The following TIGAR variants were observed in gnomAD, a reference collection of about 807,000 sequenced individuals.
TIGAR encodes fructose-2,6-bisphosphatase TIGAR.
In TIGAR, 7 loss-of-function variants were observed where a neutral mutation model predicts 17.9. That is an observed-to-expected ratio of 0.39 (90% confidence interval 0.22 to 0.73). The LOEUF is 0.73. Among genes scored for constraint, TIGAR ranks in the 30% least tolerant of loss-of-function variants. The pLI is 0.42. For synonymous variants in TIGAR, 94 were observed against 108.6 expected, an observed-to-expected ratio of 0.87 and a Z score of 0.84; for missense variants, 258 against 327.4, an observed-to-expected ratio of 0.79 and a Z score of 1.64.
intron 1 of TIGAR, chr12:4,324,672 GTTCACT>G: frequency 1.8e-6 from 2 of 1,102,716 alleles, no homozygotes; most frequent in Non-Finnish European, 2.7e-6. Context: ...GCAGGCCCGG[GTTCACT>G]TGCGGCCGCT....
chr12:4,344,428 A>G (rs2120680809), intron 3 of TIGAR, among the ~76,000 whole-genome samples: 1 of 152,300 alleles, frequency 6.6e-6, no homozygotes, highest in South Asian at 2.1e-4. Flanking sequence ...CAACAAAAAA[A>G]GAATTTTAGA....
Position 4,355,836 on chromosome 12 carries a change from C to T in TIGAR, c.*3145C>T, listed in dbSNP as rs896390290. Among the ~76,000 whole-genome samples, 3 of 152,026 alleles carry T rather than the reference C, an allele frequency of 2.0e-5. No individual in the cohort carries two copies. The highest frequency in any genetic ancestry group is 4.8e-5 in the African/African-American group (2 of 41,358). Reference sequence around the variant, plus strand: ...TTATCCAGGATGGGCAGGGAGGACTCGATGGTGTCAGCACTGAAGGATGTA... The same window carrying T: ...TTATCCAGGATGGGCAGGGAGGACTTGATGGTGTCAGCACTGAAGGATGTA... On this transcript the variant is annotated 3_prime_UTR_variant, in exon 6 of 6. Transcript: ENST00000179259.
At chr12:4,342,208 C>T (rs1411215661) in intron 3 of TIGAR, among the ~76,000 whole-genome samples, 1 of 152,152 alleles carries the variant, frequency 6.6e-6, no homozygotes, top group Non-Finnish European at 1.5e-5. Context: ...AAGAAATGAA[C>T]AAAGCCTCCA....
intron 5 of TIGAR, 85 bp from the exon 6 acceptor site, chr12:4,352,175 A>G: frequency 8.4e-7 from 1 of 1,195,416 alleles, no homozygotes. Flanking sequence ...TATTAGAAAA[A>G]AATCCAGTCA....
Position 4,358,533 on chromosome 12 carries a change from T to A in TIGAR, c.*5842T>A, listed in dbSNP as rs1027650440. Reference sequence around the variant, plus strand: ...TCTCCCTCTGTTTTCCCCTGAAACATTGGAGAGTAACTTTGAGTCCTCATA... The same window carrying A: ...TCTCCCTCTGTTTTCCCCTGAAACAATGGAGAGTAACTTTGAGTCCTCATA... On this transcript the variant is annotated 3_prime_UTR_variant, in exon 6 of 6. Transcript: ENST00000179259. 4.6e-5 allele frequency among the ~76,000 whole-genome samples: 7 copies of A among 152,188 alleles called. No homozygotes were observed. Among genetic ancestry groups the A allele is most frequent in the Non-Finnish European group, 1.0e-4 (7 of 68,036 alleles).
chr12:4,357,842 A>AGG lies in TIGAR; in HGVS notation c.*5151_*5152insGG, dbSNP rs1565453117. ...GAGGTGGCTGGGCGTGGTGGCTCGCACCTGTAATCCCAGCACTTTGGGAGG... is the reference window on the plus strand; with the variant it reads ...GAGGTGGCTGGGCGTGGTGGCTCGCAGGCCTGTAATCCCAGCACTTTGGGAGG... On this transcript the variant is annotated 3_prime_UTR_variant, in exon 6 of 6. Transcript: ENST00000179259. 6.6e-6 allele frequency among the ~76,000 whole-genome samples: 1 copy of AGG among 150,598 alleles called. No individual in the cohort carries two copies. Among genetic ancestry groups the AGG allele is most frequent in the Non-Finnish European group, 1.5e-5 (1 of 66,800 alleles).
At chr12:4,327,657 C>G (rs1199662147) in intron 1 of TIGAR, among the ~76,000 whole-genome samples, 2 of 152,078 alleles carry the variant, frequency 1.3e-5, no homozygotes, top group East Asian at 3.9e-4. Context: ...CAGTTTTAGG[C>G]CAGGTTTAAA....
rs1864920092 is a variant in TIGAR, at chr12:4,357,654, A to G, written c.*4963A>G. 6.6e-6 allele frequency among the ~76,000 whole-genome samples: 1 copy of G among 152,194 alleles called. No homozygotes were observed. Among genetic ancestry groups the G allele is most frequent in the Admixed American group, 6.5e-5 (1 of 15,296 alleles). Reference sequence around the variant, plus strand: ...TTTAAAAACTTTAGGATTTCCCCCCACAGTTCTCAATCACTTGGTTCATTG... The same window carrying G: ...TTTAAAAACTTTAGGATTTCCCCCCGCAGTTCTCAATCACTTGGTTCATTG... On this transcript the variant is annotated 3_prime_UTR_variant, in exon 6 of 6. Coordinates refer to ENST00000179259, the MANE Select transcript of TIGAR (RefSeq NM_020375.3).
intron 1 of TIGAR, among the ~76,000 whole-genome samples, chr12:4,331,026 G>T (rs1864598121): frequency 8.4e-6 from 1 of 118,414 alleles, no homozygotes; most frequent in Non-Finnish European, 1.9e-5. Flanking sequence ...TTTTCCACCT[G>T]CAATTCACTT....
intron 2 of TIGAR, among the ~76,000 whole-genome samples, chr12:4,336,711 G>A (rs1000304076): frequency 3.3e-5 from 5 of 152,198 alleles, no homozygotes; most frequent in South Asian, 2.1e-4. Flanking sequence ...TGGTCCTACC[G>A]CCCCAACACA....
In TIGAR at chr12:4,359,107, G is replaced by GTT. The variant is rs11445611; in HGVS notation, c.*6425_*6426dup. Among the ~76,000 whole-genome samples, 698 of 148,502 alleles carry GTT rather than the reference G, an allele frequency of 4.7e-3. 5 individuals are homozygous for GTT. The highest frequency in any genetic ancestry group is 0.014 in the African/African-American group (562 of 40,604). ...CCTTTATTGTTTATTTTCTGACTCT[G>GTT]TTTTTTTTTTCTTTAGCCAACTCAC... On this transcript the variant is annotated 3_prime_UTR_variant, in exon 6 of 6. Coordinates refer to ENST00000179259, the MANE Select transcript of TIGAR (RefSeq NM_020375.3).
At chr12:4,333,210 CTT>C (rs1017332777) in intron 2 of TIGAR, among the ~76,000 whole-genome samples, 1 of 151,642 alleles carries the variant, frequency 6.6e-6, no homozygotes, top group African/African-American at 2.4e-5. Context: ...TCCTTTCACT[CTT>C]TGTGTATACT....
In TIGAR at chr12:4,360,013, C is replaced by G. The variant is rs1343561333; in HGVS notation, c.*7322C>G. The stretch of plus-strand genomic sequence containing the variant: ...TTCTTTGTGAAATGTGTATTAAAAT[C>G]TTATCCATTAAAAAATTGTGTCATC... On this transcript the variant is annotated 3_prime_UTR_variant, in exon 6 of 6. Coordinates refer to ENST00000179259, the MANE Select transcript of TIGAR (RefSeq NM_020375.3). Among the ~76,000 whole-genome samples, 1 of 151,980 alleles carries G rather than the reference C, an allele frequency of 6.6e-6. No homozygotes were observed. The highest frequency in any genetic ancestry group is 1.5e-5 in the Non-Finnish European group (1 of 68,000).
At chr12:4,326,216 G>A (rs1864544796) in intron 1 of TIGAR, among the ~76,000 whole-genome samples, 1 of 152,128 alleles carries the variant, frequency 6.6e-6, no homozygotes, top group Admixed American at 6.5e-5. Flanking sequence ...GAAAATGAGT[G>A]GTGTTATTCC....
In TIGAR at chr12:4,357,875, G is replaced by A. The variant is rs971166800; in HGVS notation, c.*5184G>A. ...TCCCAGCACTTTGGGAGGCCAAGGC[G>A]GGCAGATCACGAGGTCAGGAGATAG... is the stretch of plus-strand genomic sequence containing the variant. On this transcript the variant is annotated 3_prime_UTR_variant, in exon 6 of 6. Coordinates refer to ENST00000179259, the MANE Select transcript of TIGAR (RefSeq NM_020375.3). 5.9e-5 allele frequency among the ~76,000 whole-genome samples: 9 copies of A among 152,096 alleles called. No individual in the cohort carries two copies. The highest frequency in any genetic ancestry group is 1.2e-4 in the Non-Finnish European group (8 of 67,992).
rs1023181780 is a variant in TIGAR, at chr12:4,357,401, C to T, written c.*4710C>T. On this transcript the variant is annotated 3_prime_UTR_variant, in exon 6 of 6. Coordinates refer to ENST00000179259, the MANE Select transcript of TIGAR (RefSeq NM_020375.3). Reference sequence around the variant, plus strand: ...CAAAGGAAAGAAGTATTCAGTAGAGCGGTGGTGCTGGGCTGAGTACCTGCT... The same window carrying T: ...CAAAGGAAAGAAGTATTCAGTAGAGTGGTGGTGCTGGGCTGAGTACCTGCT... Among the ~76,000 whole-genome samples, 1 of 152,130 alleles carries T rather than the reference C, an allele frequency of 6.6e-6. No individual in the cohort carries two copies. Among genetic ancestry groups the T allele is most frequent in the African/African-American group, 2.4e-5 (1 of 41,406 alleles).
rs1291341411 is a variant in TIGAR at position 4,357,730 on chromosome 12, C to T, written c.*5039C>T. On this transcript the variant is annotated 3_prime_UTR_variant, in exon 6 of 6. Coordinates refer to ENST00000179259, the MANE Select transcript of TIGAR (RefSeq NM_020375.3). ...ATTTCTTCATTGATAAGTGACAGGG[C>T]AGGGACACTGGAAAGATCTATTGTC... Among the ~76,000 whole-genome samples, 4 of 152,142 alleles carry T rather than the reference C, an allele frequency of 2.6e-5. No homozygotes were observed. The highest frequency in any genetic ancestry group is 5.9e-5 in the Non-Finnish European group (4 of 68,022).
At chr12:4,333,657 C>T (rs922156533) in intron 2 of TIGAR, among the ~76,000 whole-genome samples, 2 of 152,074 alleles carry the variant, frequency 1.3e-5, no homozygotes, top group African/African-American at 4.8e-5. Context: ...TTAGTAGAGA[C>T]GGGGTTTTAC....
At chr12:4,345,427 C>G (rs912071928) in intron 3 of TIGAR, among the ~76,000 whole-genome samples, 15 of 152,274 alleles carry the variant, frequency 9.9e-5, no homozygotes, top group African/African-American at 3.4e-4. Context: ...ACCAATGGAA[C>G]AGAACAGAGC....
Sources: allele counts gnomAD v4.1 joint callset (sites outside exome capture counted in the v4.1 genomes callset), GRCh38; gene constraint gnomAD v4.1.1; transcripts MANE v1.5; gene names NCBI Gene and HGNC (gene_info 2026-07-23, HGNC 2026-07-21).